The following LRP1B variants were observed in gnomAD, a reference collection of about 807,000 sequenced individuals.
The protein encoded by LRP1B is low-density lipoprotein receptor-related protein 1B.
LRP1B carries 217 observed loss-of-function variants against 556.6 expected under a neutral mutation model. The ratio of observed to expected loss-of-function variants is 0.39; its 90% CI spans 0.35 to 0.44. The LOEUF is 0.44. LRP1B is among the 20% of genes least tolerant of loss of function. The probability of loss-of-function intolerance (pLI) is 1.00; values close to 1 mark genes in which losing one functional copy is unlikely to be tolerated. For synonymous variants in LRP1B, 2,047 were observed against 1,865.8 expected (o/e 1.10, Z -2.50); for missense variants, 5,053 against 5,620.8 (o/e 0.90, Z 3.23).
intron 2 of LRP1B, among the ~76,000 whole-genome samples, chr2:141,627,125 C>A (rs929806475): frequency 6.6e-6 from 1 of 152,112 alleles, no homozygotes; most frequent in African/African-American, 2.4e-5. Flanking sequence ...TAAAAAGAAG[C>A]AGCTATCAAG....
chr2:140,731,764 CAAAAAAAAAAAAAA>C (rs36060787), intron 35 of LRP1B, among the ~76,000 whole-genome samples: 2 of 59,388 alleles, frequency 3.4e-5, no homozygotes, highest in Non-Finnish European at 6.6e-5. Flanking sequence ...GAGACTCCGT[CAAAAAAAAAAAAAA>C]AAAAAAAAAA....
intron 3 of LRP1B, among the ~76,000 whole-genome samples, chr2:141,324,579 A>C (rs1687368603): frequency 6.6e-6 from 1 of 152,102 alleles, no homozygotes; most frequent in Admixed American, 6.6e-5. Flanking sequence ...GATTTCAGTT[A>C]GGGTATTGTT....
intron 2 of LRP1B, among the ~76,000 whole-genome samples, chr2:141,607,449 T>C (rs573524976): frequency 2.6e-5 from 4 of 152,294 alleles, no homozygotes; most frequent in African/African-American, 7.2e-5. Context: ...AGTCATGCAC[T>C]ATCTCTAGAG....
intron 43 of LRP1B, among the ~76,000 whole-genome samples, chr2:140,568,200 C>CA (rs56676136): frequency 0.13 from 15,919 of 123,504 alleles, 1,023 homozygotes; most frequent in East Asian, 0.27. Flanking sequence ...CACCATGGTC[C>CA]AAAAAAAAAA....
chr2:140,987,076 G>A (rs574562790), intron 17 of LRP1B, among the ~76,000 whole-genome samples: 1 of 152,226 alleles, frequency 6.6e-6, no homozygotes, highest in Admixed American at 6.5e-5. Flanking sequence ...AGTATGGTAA[G>A]CTATGTGACC....
chr2:141,366,335 G>A (rs897611531), intron 3 of LRP1B, among the ~76,000 whole-genome samples: 19 of 152,166 alleles, frequency 1.2e-4, no homozygotes, highest in Admixed American at 1.2e-3. Flanking sequence ...CTTGTGATCT[G>A]AAATCTTTAG....
chr2:141,517,004 TAAAAA>T lies in LRP1B; in HGVS notation c.206-36476_206-36472del, dbSNP rs71391654. Among the ~76,000 whole-genome samples the T allele has an allele frequency of 6.0e-4, 7 of 11,730 alleles. No homozygotes were observed. In the East Asian group the frequency reaches 7.3e-3, roughly 12 times the overall value. 7.7% of individuals were successfully genotyped at this position (11,730 alleles called of 152,430 possible). ...GATCCACCATGTCTGGCCCGTCTCT[TAAAAA>T]AAAAAAAAAAAAAAAAAAAAAAAGT... On this transcript the variant is annotated intron_variant, in intron 2 of 90. Coordinates refer to ENST00000389484, the MANE Select transcript of LRP1B (RefSeq NM_018557.3).
intron 43 of LRP1B, among the ~76,000 whole-genome samples, chr2:140,591,544 C>T (rs1682225292): frequency 6.6e-6 from 1 of 152,162 alleles, no homozygotes; most frequent in Admixed American, 6.5e-5. Flanking sequence ...CAGTCCTATT[C>T]CTTCTACGAC....
chr2:140,742,205 T>C (rs1688165166), intron 35 of LRP1B, among the ~76,000 whole-genome samples: 1 of 152,210 alleles, frequency 6.6e-6, no homozygotes, highest in Non-Finnish European at 1.5e-5. Flanking sequence ...ATAGGACCAA[T>C]GTAATTGACT....
chr2:142,109,960 T>G (rs2104986690), intron 1 of LRP1B, among the ~76,000 whole-genome samples: 1 of 152,198 alleles, frequency 6.6e-6, no homozygotes, highest in South Asian at 2.1e-4. Context: ...TGATGCTTGG[T>G]TTGGTTGTTT....
At chr2:141,328,514 C>T (rs1223102099) in intron 3 of LRP1B, among the ~76,000 whole-genome samples, 1 of 152,178 alleles carries the variant, frequency 6.6e-6, no homozygotes, top group African/African-American at 2.4e-5. Context: ...ATAGTCTGTG[C>T]TAGACCCAAG....
chr2:141,723,698 G>A (rs1034946427), intron 2 of LRP1B, among the ~76,000 whole-genome samples: 17 of 151,874 alleles, frequency 1.1e-4, no homozygotes, highest in African/African-American at 3.9e-4. Context: ...TGCAGAAAGA[G>A]ATATTGATAA....
At position 140,256,435 on chromosome 2, in the gene LRP1B, C is replaced by CTCTT. The variant is rs1681684710; in HGVS notation, c.13248-9277_13248-9274dup. Among the ~76,000 whole-genome samples the CTCTT allele has an allele frequency of 4.2e-5, 3 of 72,232 alleles. No individual in the cohort carries two copies. The South Asian group carries it at 1.4e-3, about 34-fold the overall frequency. 47.4% of individuals were successfully genotyped at this position (72,232 alleles called of 152,430 possible). On this transcript the variant is annotated intron_variant, in intron 86 of 90. Coordinates refer to ENST00000389484, the MANE Select transcript of LRP1B (RefSeq NM_018557.3). ...TTGTATGGTTTTATGGTTTTCTTTT[C>CTCTT]TCTTTTTTCCTTCCTTTTTTTTTTT...
In LRP1B at chr2:140,500,163, A is replaced by G. The variant is rs558161965; in HGVS notation, c.8850+1524T>C. Among the ~76,000 whole-genome samples, 54 of 152,040 alleles carry G rather than the reference A, an allele frequency of 3.6e-4. 1 individual carries two copies. The highest frequency in any genetic ancestry group is 3.1e-3 in the Admixed American group (47 of 15,224). ...ATATTCTAAGTTTACAAGTTTAACC[A>G]CTTCTTAATACAATATTGGGTCTAA... On this transcript the variant is annotated intron_variant, in intron 55 of 90. Coordinates refer to ENST00000389484, the MANE Select transcript of LRP1B (RefSeq NM_018557.3).
At chr2:141,161,968 C>G (rs1230087244) in intron 7 of LRP1B, among the ~76,000 whole-genome samples, 1 of 151,986 alleles carries the variant, frequency 6.6e-6, no homozygotes, top group Non-Finnish European at 1.5e-5. Flanking sequence ...AAAACCCTGA[C>G]AACTTGGCTT....
chr2:141,934,875 C>A (rs1287071351), intron 1 of LRP1B, among the ~76,000 whole-genome samples: 1 of 152,156 alleles, frequency 6.6e-6, no homozygotes, highest in East Asian at 1.9e-4. Context: ...GTTACCCAGT[C>A]TTGGGTATAT....
At chr2:141,852,025 A>G (rs183766014) in intron 1 of LRP1B, among the ~76,000 whole-genome samples, 38 of 151,884 alleles carry the variant, frequency 2.5e-4, no homozygotes, top group Admixed American at 9.9e-4. Context: ...AATCCTATCA[A>G]ATAAAGTTGG....
rs111872673 is a variant in LRP1B at position 141,862,897 on chromosome 2, A to G, written c.83-52496T>C. On this transcript the variant is annotated intron_variant, in intron 1 of 90. Transcript: ENST00000389484. ...AAGTTGGAGAAACACAAGCCTATAT[A>G]TCTGGAATAGCACACTGGCATTTAT... Among the ~76,000 whole-genome samples, 111 of 152,350 alleles carry G rather than the reference A, an allele frequency of 7.3e-4. 1 individual carries two copies. Among genetic ancestry groups the G allele is most frequent in the Non-Finnish European group, 1.4e-3 (97 of 68,020 alleles).
intron 66 of LRP1B, among the ~76,000 whole-genome samples, chr2:140,415,318 G>A (rs1234793886): frequency 6.6e-6 from 1 of 152,132 alleles, no homozygotes; most frequent in Non-Finnish European, 1.5e-5. Flanking sequence ...TTCCTCAGAA[G>A]CACGTGATCT....
Sources: allele counts gnomAD v4.1 joint callset (sites outside exome capture counted in the v4.1 genomes callset), GRCh38; gene constraint gnomAD v4.1.1; transcripts MANE v1.5; gene names NCBI Gene and HGNC (gene_info 2026-07-23, HGNC 2026-07-21).